The following IGFL2 variants were observed in gnomAD, a reference collection of about 807,000 sequenced individuals.
IGFL2 encodes IGF like family member 2, also known as insulin growth factor-like family member 2.
Under a neutral mutation model 13.9 loss-of-function variants are expected in IGFL2, and 7 were observed. The ratio of observed to expected loss-of-function variants is 0.51; its 90% CI spans 0.29 to 0.95. The LOEUF (loss-of-function observed/expected upper bound fraction) is 0.95, where lower values mean the gene tolerates loss of function less well. IGFL2 is among the 40% of genes least tolerant of loss of function. The pLI is 0.08. For synonymous variants in IGFL2, 55 were observed against 55.8 expected, an observed-to-expected ratio of 0.99 and a Z score of 0.07; for missense variants, 138 against 147.8, an observed-to-expected ratio of 0.93 and a Z score of 0.34.
chr19:46,094,034 ATTTTTTTTTT>A, the IGFL2 span, among the ~76,000 whole-genome samples: 1 of 114,228 alleles, frequency 8.8e-6, no homozygotes, highest in African/African-American at 3.3e-5. Flanking sequence ...GCCTTGGAGG[ATTTTTTTTTT>A]TTTTTTTTTT....
the IGFL2 span, among the ~76,000 whole-genome samples, chr19:46,114,799 A>G: frequency 2.0e-5 from 3 of 152,186 alleles, no homozygotes; most frequent in Non-Finnish European, 4.4e-5. Context: ...ACTTTTCTTT[A>G]TAAATTACCC....
At chr19:46,091,308 C>T in the IGFL2 span, among the ~76,000 whole-genome samples, 2 of 152,100 alleles carry the variant, frequency 1.3e-5, no homozygotes, top group Admixed American at 6.5e-5. Flanking sequence ...TTAAACAGCA[C>T]GTTTTAGTGT....
chr19:46,179,982 A>G, the IGFL2 span, among the ~76,000 whole-genome samples: 1 of 152,098 alleles, frequency 6.6e-6, no homozygotes, highest in African/African-American at 2.4e-5. Flanking sequence ...AGATTCCCCC[A>G]GGGTTTTCCC....
the IGFL2 span, among the ~76,000 whole-genome samples, chr19:46,168,669 CT>C: frequency 1.3e-5 from 2 of 152,112 alleles, no homozygotes; most frequent in African/African-American, 2.4e-5. Context: ...GCTTGTCCCC[CT>C]TTTTTTGCCT....
the IGFL2 span, among the ~76,000 whole-genome samples, chr19:46,087,895 A>C: frequency 1.3e-5 from 2 of 152,172 alleles, no homozygotes; most frequent in Non-Finnish European, 2.9e-5. Context: ...AGCTCATACA[A>C]TGGTGCCTTG....
At chr19:46,123,675 G>C in the IGFL2 span, among the ~76,000 whole-genome samples, 1 of 150,866 alleles carries the variant, frequency 6.6e-6, no homozygotes, top group Admixed American at 6.6e-5. Context: ...CAAGAAGATT[G>C]TGAGTTATTT....
At chr19:46,117,814 G>T in the IGFL2 span, among the ~76,000 whole-genome samples, 1 of 152,196 alleles carries the variant, frequency 6.6e-6, no homozygotes, top group African/African-American at 2.4e-5. Flanking sequence ...ATCTTGCTTG[G>T]GACTACAGGC....
At position 46,161,111 on chromosome 19, in the gene IGFL2, CTT is replaced by C; in HGVS notation, c.*25_*26del. On this transcript the variant is annotated 3_prime_UTR_variant, in exon 4 of 4. Coordinates refer to ENST00000377693, the MANE Select transcript of IGFL2 (RefSeq NM_001135113.2). ...TGAGAAGACATAGAAAGAAAATCAACTTTCACTAAGGCATCTCAGAAACATAG... is the reference window on the plus strand; with the variant it reads ...TGAGAAGACATAGAAAGAAAATCAACTCACTAAGGCATCTCAGAAACATAG... The C allele has an allele frequency of 6.4e-7, 1 of 1,572,548 alleles. No individual in the cohort carries two copies. Among genetic ancestry groups the C allele is most frequent in the Admixed American group, 1.8e-5 (1 of 55,054 alleles).
At chr19:46,078,852 T>C in the IGFL2 span, among the ~76,000 whole-genome samples, 2 of 148,176 alleles carry the variant, frequency 1.3e-5, no homozygotes, top group East Asian at 4.0e-4. Flanking sequence ...TCAGTAGACA[T>C]CGCGCAGGCG....
the IGFL2 span, chr19:46,202,570 G>A: frequency 2.0e-5 from 3 of 152,336 alleles, no homozygotes; most frequent in East Asian, 5.8e-4. Flanking sequence ...CCAAGGTGAA[G>A]GATCAAGGCA....
At chr19:46,175,815 A>G in the IGFL2 span, among the ~76,000 whole-genome samples, 1 of 148,772 alleles carries the variant, frequency 6.7e-6, no homozygotes, top group Non-Finnish European at 1.5e-5. Flanking sequence ...TGCTGGGATT[A>G]CAAGCATGAG....
At chr19:46,170,283 C>T in the IGFL2 span, among the ~76,000 whole-genome samples, 1,114 of 151,850 alleles carry the variant, frequency 7.3e-3, 10 homozygotes, top group African/African-American at 0.025. Flanking sequence ...CTGCTGAAGC[C>T]GTAACAGAAG....
the IGFL2 span, among the ~76,000 whole-genome samples, chr19:46,083,800 T>G: frequency 6.6e-6 from 1 of 152,132 alleles, no homozygotes; most frequent in Non-Finnish European, 1.5e-5. Context: ...ATTTTGCGCA[T>G]TGACAGTGGT....
At chr19:46,101,181 T>TG in the IGFL2 span, 1 of 152,314 alleles carries the variant, frequency 6.6e-6, no homozygotes, top group Admixed American at 6.5e-5. Flanking sequence ...CCCTGGTTGG[T>TG]GGGGGTCTCA....
the IGFL2 span, among the ~76,000 whole-genome samples, chr19:46,199,499 G>T: frequency 2.5e-4 from 38 of 152,252 alleles, no homozygotes; most frequent in South Asian, 6.2e-4. Flanking sequence ...CCTGGAGAAG[G>T]GGCAGAGACA....
downstream of IGFL2, among the ~76,000 whole-genome samples, chr19:46,162,863 A>G (rs1974227947): frequency 6.6e-6 from 1 of 152,184 alleles, no homozygotes; most frequent in South Asian, 2.1e-4. Flanking sequence ...TGGAGGACAT[A>G]TGACCCTCTG....
At chr19:46,097,288 C>T in the IGFL2 span, among the ~76,000 whole-genome samples, 35 of 152,218 alleles carry the variant, frequency 2.3e-4, no homozygotes, top group African/African-American at 8.4e-4. Flanking sequence ...TCTAAATTTT[C>T]TAGTTTATTT....
chr19:46,116,561 C>G, the IGFL2 span, among the ~76,000 whole-genome samples: 92 of 152,250 alleles, frequency 6.0e-4, 2 homozygotes, highest in African/African-American at 2.1e-3. Flanking sequence ...TAAATTTTTA[C>G]AGATGAGGTT....
At chr19:46,104,151 A>G in the IGFL2 span, among the ~76,000 whole-genome samples, 4 of 152,192 alleles carry the variant, frequency 2.6e-5, no homozygotes, top group Non-Finnish European at 5.9e-5. Flanking sequence ...AGACTGGAAG[A>G]TAGTCGCCTA....
Sources: allele counts gnomAD v4.1 joint callset (sites outside exome capture counted in the v4.1 genomes callset), GRCh38; gene constraint gnomAD v4.1.1; transcripts MANE v1.5; gene names NCBI Gene and HGNC (gene_info 2026-07-23, HGNC 2026-07-21).